KCP: variants seen among roughly 807,000 people sequenced by gnomAD.
KCP encodes kielin cysteine rich BMP regulator.
A neutral mutation model predicts 212.7 loss-of-function variants in KCP; 194 were observed. That is an observed-to-expected ratio of 0.91 (90% CI 0.81 to 1.03). The LOEUF (loss-of-function observed/expected upper bound fraction) is 1.03, where lower values mean the gene tolerates loss of function less well. Among genes scored for constraint, KCP ranks in the 50% least tolerant of loss-of-function variants. KCP has a pLI of 0.00. For synonymous variants in KCP, 833 were observed against 865.3 expected, an observed-to-expected ratio of 0.96 and a Z score of 0.65; for missense variants, 2,080 against 2,162.5, an observed-to-expected ratio of 0.96 and a Z score of 0.76.
intron 8 of KCP, among the ~76,000 whole-genome samples, 155 bp downstream of exon 8, chr7:128,902,622 C>A (rs1305835323): frequency 6.6e-6 from 1 of 152,198 alleles, no homozygotes; most frequent in Non-Finnish European, 1.5e-5. Flanking sequence ...CTCTGCCCAG[C>A]CCCCGCCTGC....
chr7:128,889,138 T>G, intron 21 of KCP, 99 bp from the exon 22 acceptor site: 15 of 691,810 alleles, frequency 2.2e-5, no homozygotes, highest in Non-Finnish European at 2.5e-5. Context: ...GCATCCAAGA[T>G]CTCAAAGATC....
chr7:128,887,429 A>C, intron 22 of KCP, 129 bp from the exon 23 acceptor site: 1 of 722,294 alleles, frequency 1.4e-6, no homozygotes, highest in Non-Finnish European at 2.5e-6. Flanking sequence ...CCACACACAC[A>C]CATACCCATA....
At chr7:128,879,009 C>A (rs1017315637) in intron 37 of KCP, 10 of 455,354 alleles carry the variant, frequency 2.2e-5, no homozygotes, top group Non-Finnish European at 3.9e-5. Context: ...AGGTGAAATG[C>A]AACCCCCTTC....
rs11983205 is a variant in KCP, at chr7:128,891,711, C to T, written c.1730G>A (p.Arg577His). 5.3e-3 allele frequency: 7,665 copies of T among 1,448,236 alleles called. 29 individuals are homozygous for T. The highest frequency in any genetic ancestry group is 6.1e-3 in the Non-Finnish European group (6,747 of 1,098,806). The allele number at this position is 1,448,236 out of a possible 1,614,324, so 89.7% of individuals were successfully genotyped here. ...GGCACAGGGGGCCCTGGGGCAGGGG[C>T]GAGGCTGGCAGTGGGCATGGCCTTC... is the stretch of plus-strand genomic sequence containing the variant. ...CQEGHAHCQP[R>H]PCPRAPCAHP... is the part of the protein sequence containing the mutation. The change falls in exon 17 of 40, where the codon CGC becomes CAC. Residue 577 changes from arginine to histidine, a missense_variant. By Grantham distance (29) the Arg-to-His change is conservative (BLOSUM62 0). Coordinates refer to ENST00000610776, the MANE Select transcript of KCP (RefSeq NM_001366122.1).
At chr7:128,910,368 C>A (rs913313951) in intron 1 of KCP, among the ~76,000 whole-genome samples, 1 of 152,238 alleles carries the variant, frequency 6.6e-6, no homozygotes, top group Non-Finnish European at 1.5e-5. Context: ...GCACTCTCTC[C>A]CGCCGCCGGC....
intron 38 of KCP, 68 bp downstream of exon 38, chr7:128,878,490 G>T: frequency 6.8e-7 from 1 of 1,466,306 alleles, no homozygotes; most frequent in Non-Finnish European, 9.1e-7. Flanking sequence ...CATGCCAGAG[G>T]GTTGCTCTGA....
At position 128,890,223 on chromosome 7, in the gene KCP, G is replaced by A. The variant is rs186906871; in HGVS notation, c.2335+120C>T. 55 of 1,531,284 alleles carry A rather than the reference G, an allele frequency of 3.6e-5. No homozygotes were observed. The Admixed American group carries it at 9.6e-4, about 27-fold the overall frequency. The allele number at this position is 1,531,284 out of a possible 1,614,324, so 94.9% of individuals were successfully genotyped here. On this transcript the variant is annotated intron_variant, in intron 21 of 39. Coordinates refer to ENST00000610776, the MANE Select transcript of KCP (RefSeq NM_001366122.1). ...GCTTCAGCTAGGGCTCCCAGCCTCGGGGCTTTTTCTTACTGTAATAAATAT... is the reference window on the plus strand; with the variant it reads ...GCTTCAGCTAGGGCTCCCAGCCTCGAGGCTTTTTCTTACTGTAATAAATAT...
chr7:128,905,021 G>A (rs1460294070), intron 5 of KCP, among the ~76,000 whole-genome samples: 1 of 151,964 alleles, frequency 6.6e-6, no homozygotes, highest in Non-Finnish European at 1.5e-5. Flanking sequence ...GGGGTCAGGG[G>A]TCTTTTCTTT....
chr7:128,900,667 T>C (rs1332151833), intron 8 of KCP, among the ~76,000 whole-genome samples: 2 of 152,268 alleles, frequency 1.3e-5, no homozygotes, highest in Non-Finnish European at 2.9e-5. Context: ...CTTCCAGATA[T>C]CAACTTTTGT....
intron 8 of KCP, 147 bp downstream of exon 8, chr7:128,902,630 T>C: frequency 2.7e-6 from 2 of 737,724 alleles, no homozygotes; most frequent in Non-Finnish European, 4.5e-6. Context: ...AGCCCCCGCC[T>C]GCACAGCCCC....
intron 16 of KCP, among the ~76,000 whole-genome samples, chr7:128,892,231 G>A (rs1362074435): frequency 6.6e-6 from 1 of 151,874 alleles, no homozygotes; most frequent in African/African-American, 2.4e-5. Flanking sequence ...TGGGGGGTAG[G>A]GGGGTGGGGG....
At chr7:128,907,854 C>A (rs1434537317) in intron 2 of KCP, among the ~76,000 whole-genome samples, 2 of 152,136 alleles carry the variant, frequency 1.3e-5, no homozygotes, top group Non-Finnish European at 2.9e-5. Flanking sequence ...TCTGGCCAGG[C>A]CTGGTGGCTC....
intron 16 of KCP, 54 bp from the exon 17 acceptor site, chr7:128,891,873 A>G: frequency 7.5e-7 from 1 of 1,330,516 alleles, no homozygotes; most frequent in Non-Finnish European, 9.9e-7. Flanking sequence ...CAGTCCCTCC[A>G]GCCCTGGAGT....
At chr7:128,889,161 TG>T (rs1229987514) in intron 21 of KCP, 122 bp from the exon 22 acceptor site, 21 of 317,536 alleles carry the variant, frequency 6.6e-5, no homozygotes, top group East Asian at 1.9e-4. Context: ...GCGTGGGGGC[TG>T]GGGGGTCACA....
rs552582633 is a variant in KCP at position 128,910,366 on chromosome 7, T to G, written c.76+235A>C. Among the ~76,000 whole-genome samples the G allele has an allele frequency of 5.3e-5, 8 of 152,248 alleles. No homozygotes were observed. In the South Asian group the frequency reaches 1.7e-3, roughly 32 times the overall value. ...CAGATGCCAGGGCAGCCGCACTCTCTCCCGCCGCCGGCTGCAGGAACCGCC... is the reference window on the plus strand; with the variant it reads ...CAGATGCCAGGGCAGCCGCACTCTCGCCCGCCGCCGGCTGCAGGAACCGCC... On this transcript the variant is annotated intron_variant, in intron 1 of 39. Coordinates refer to ENST00000610776, the MANE Select transcript of KCP (RefSeq NM_001366122.1).
Position 128,877,454 on chromosome 7 carries a change from C to A in KCP, c.4618+30G>T, listed in dbSNP as rs1335569445. 8 of 1,548,812 alleles carry A rather than the reference C, an allele frequency of 5.2e-6. 1 individual carries two copies. In the South Asian group the frequency reaches 7.2e-5, roughly 14 times the overall value. Reference sequence around the variant, plus strand: ...CCCTTCTTCTCTGTGCTGAGCCTCCCCCAACCTGCAGCGGGCATCACCCCC... The same window carrying A: ...CCCTTCTTCTCTGTGCTGAGCCTCCACCAACCTGCAGCGGGCATCACCCCC... On this transcript the variant is annotated intron_variant, in intron 39 of 39. Coordinates refer to ENST00000610776, the MANE Select transcript of KCP (RefSeq NM_001366122.1).
Position 128,906,998 on chromosome 7 carries a change from G to C in KCP, c.486+103C>G, listed in dbSNP as rs1174964947. The stretch of plus-strand genomic sequence containing the variant: ...ACCGTGGCAAGGTGTGGGAGTGGCA[G>C]GCAGAGCCCATTATGCGACATCTTG... On this transcript the variant is annotated intron_variant, in intron 4 of 39. Coordinates refer to ENST00000610776, the MANE Select transcript of KCP (RefSeq NM_001366122.1). 7.0e-6 allele frequency: 8 copies of C among 1,143,324 alleles called. No individual in the cohort carries two copies. In the East Asian group the frequency reaches 2.1e-4, roughly 30 times the overall value. The allele number at this position is 1,143,324 out of a possible 1,614,324, so 70.8% of individuals were successfully genotyped here.
At position 128,884,736 on chromosome 7, in the gene KCP, C is replaced by T. The variant is rs59218846; in HGVS notation, c.3123+45G>A. The stretch of plus-strand genomic sequence containing the variant: ...GGGCCTCATCCCATGCTGCCCACTC[C>T]CCCCCGACGAGGTGCCCCAGCCCCA... On this transcript the variant is annotated intron_variant, in intron 28 of 39. Transcript: ENST00000610776. 2.7e-3 allele frequency: 4,062 copies of T among 1,518,966 alleles called. 126 individuals carry two copies. The African/African-American group carries it at 0.05, about 19-fold the overall frequency. 94.1% of individuals were successfully genotyped at this position (1,518,966 alleles called of 1,614,324 possible).
rs754016009 is a variant in KCP at position 128,910,664 on chromosome 7, C to T, written c.13G>A (p.Gly5Arg). MAGV[G>R]AAALSLLLHL... ...AGGAGAAGGGACAGCGCAGCGGCCC[C>T]GACCCCGGCCATGCTAGCTCCGCCT... is the stretch of plus-strand genomic sequence containing the variant. Residue 5 changes from glycine (G) to arginine (R), a missense_variant, in exon 1 of 40, where the codon GGG becomes AGG. Coordinates refer to ENST00000610776, the MANE Select transcript of KCP (RefSeq NM_001366122.1). 151 of 1,506,580 alleles carry T rather than the reference C, an allele frequency of 1.0e-4. No individual in the cohort carries two copies. The highest frequency in any genetic ancestry group is 6.1e-5 in the Non-Finnish European group (69 of 1,134,846). 93.3% of individuals were successfully genotyped at this position (1,506,580 alleles called of 1,614,324 possible). A position where few individuals can be genotyped will look rare whatever the true frequency, so the allele number is the denominator to read the frequency against.
Sources: gnomAD v4.1 joint callset for allele counts (sites outside exome capture counted in the v4.1 genomes callset) on GRCh38, gnomAD v4.1.1 for gene constraint, MANE v1.5 for transcripts, NCBI Gene and HGNC (gene_info 2026-07-23, HGNC 2026-07-21) for gene names.